DNAI4: variants seen among roughly 807,000 people sequenced by gnomAD.
DNAI4 encodes WD repeat domain 78.
In DNAI4, 85 loss-of-function variants were observed where a neutral mutation model predicts 105.8. That is an observed-to-expected ratio of 0.80 (90% CI 0.67 to 0.96). The LOEUF (loss-of-function observed/expected upper bound fraction) is 0.96. DNAI4 is among the 40% of genes least tolerant of loss of function. DNAI4 has a pLI of 0.00. For missense variants in DNAI4, 1,014 were observed against 1,005.6 expected, an observed-to-expected ratio of 1.01 and a Z score of -0.11; for synonymous variants, 352 against 331.5, an observed-to-expected ratio of 1.06 and a Z score of -0.67.
chr1:66,863,319 A>G (rs1233098839), intron 6 of DNAI4, among the ~76,000 whole-genome samples: 1 of 152,256 alleles, frequency 6.6e-6, no homozygotes, highest in African/African-American at 2.4e-5. Context: ...CTTAAAAATC[A>G]AAACAGAATG....
chr1:66,904,809 T>C (rs1236145565), intron 2 of DNAI4: 3 of 180,718 alleles, frequency 1.7e-5, no homozygotes, highest in Non-Finnish European at 3.4e-5. Context: ...TGATTAAAAG[T>C]TTAAAAGAGT....
intron 1 of DNAI4, among the ~76,000 whole-genome samples, chr1:66,914,291 A>G (rs1407258073): frequency 6.6e-6 from 1 of 152,150 alleles, no homozygotes; most frequent in Non-Finnish European, 1.5e-5. Flanking sequence ...TGCAAACTAT[A>G]GAGTTCCTAA....
Position 66,856,823 on chromosome 1 carries a change from C to A in DNAI4, c.1096+5324G>T, listed in dbSNP as rs547949944. On this transcript the variant is annotated intron_variant, in intron 7 of 16. Transcript: ENST00000371026. ...ATACAACTTATCAAAATTTGTGTGG[C>A]ACAGCAAAAACAGTTCTTAGAGAAA... Among the ~76,000 whole-genome samples the A allele has an allele frequency of 3.9e-5, 6 of 151,942 alleles. No individual in the cohort carries two copies. In the South Asian group the frequency reaches 1.0e-3, roughly 26 times the overall value.
At chr1:66,824,895 C>T (rs1327881224) in intron 15 of DNAI4, among the ~76,000 whole-genome samples, 2 of 152,172 alleles carry the variant, frequency 1.3e-5, no homozygotes, top group African/African-American at 2.4e-5. Flanking sequence ...AGAATGATAT[C>T]CACCAAAGTG....
intron 10 of DNAI4, 112 bp downstream of exon 10, chr1:66,837,598 C>T (rs1361732492): frequency 1.6e-6 from 2 of 1,246,480 alleles, no homozygotes; most frequent in African/African-American, 3.1e-5. Flanking sequence ...AGAAAATAGT[C>T]TTGATTGATA....
At position 66,924,698 on chromosome 1, in the gene DNAI4, G is replaced by T. The variant is rs1200831254; in HGVS notation, c.134C>A (p.Ser45Tyr). ...TPQLVATMPV[S>Y]PAGSHKQQNF... ...CTGCTGCTTGTGACTGCCTGCCGGA[G>T]AGACTGGCATGGTGGCGACCAGCTG... is the stretch of plus-strand genomic sequence containing the variant. Residue 45 changes from serine to tyrosine, a missense_variant, in exon 1 of 17, where the codon TCT becomes TAT. By Grantham distance (144) the Ser-to-Tyr change is moderately radical (BLOSUM62 -2). Transcript: ENST00000371026. 6.2e-7 allele frequency: 1 copy of T among 1,614,242 alleles called. No homozygotes were observed. The highest frequency in any genetic ancestry group is 8.5e-7 in the Non-Finnish European group (1 of 1,180,050).
At chr1:66,921,592 G>T (rs1650484151) in intron 1 of DNAI4, among the ~76,000 whole-genome samples, 1 of 152,038 alleles carries the variant, frequency 6.6e-6, no homozygotes, top group South Asian at 2.1e-4. Flanking sequence ...ACTCCCAAAG[G>T]AATTTTTCTT....
At chr1:66,902,242 T>A (rs1648885103) in intron 2 of DNAI4, among the ~76,000 whole-genome samples, 1 of 152,172 alleles carries the variant, frequency 6.6e-6, no homozygotes, top group African/African-American at 2.4e-5. Context: ...TTGTTTTTTT[T>A]AATAGTAGCT....
At chr1:66,846,786 C>G (rs1480022938) in intron 8 of DNAI4, among the ~76,000 whole-genome samples, 1 of 152,186 alleles carries the variant, frequency 6.6e-6, no homozygotes, top group Admixed American at 6.5e-5. Flanking sequence ...AGCTTTTCCA[C>G]TTACTATTAA....
intron 7 of DNAI4, among the ~76,000 whole-genome samples, chr1:66,857,043 T>A (rs1174720380): frequency 1.3e-5 from 2 of 151,978 alleles, no homozygotes; most frequent in Non-Finnish European, 1.5e-5. Context: ...AGTTAGTTCT[T>A]TGAAAATATC....
rs202056755 is a variant in DNAI4, at chr1:66,822,491, G to C, written c.2366C>G (p.Ala789Gly). Residue 789 changes from alanine (A) to glycine (G), a missense_variant, in exon 16 of 17, where the codon GCT (alanine) becomes GGT (glycine). Physicochemically the swap from Ala to Gly is moderately conservative, Grantham distance 60. Coordinates refer to ENST00000371026, the MANE Select transcript of DNAI4 (RefSeq NM_024763.5). ...STLDPLIVNT[A>G]NPGIKFTTIL... ...GGTTGTGAACTTGATTCCAGGGTTAGCAGTATTCACAATCAGAGGGTCCAA... is the reference window on the plus strand; with the variant it reads ...GGTTGTGAACTTGATTCCAGGGTTACCAGTATTCACAATCAGAGGGTCCAA... 1.2e-6 allele frequency: 2 copies of C among 1,610,652 alleles called. No individual in the cohort carries two copies. The highest frequency in any genetic ancestry group is 1.7e-6 in the Non-Finnish European group (2 of 1,178,750).
intron 10 of DNAI4, among the ~76,000 whole-genome samples, chr1:66,836,254 GAGAAAGAAAGAAAGAAAGAAAGAA>G (rs68091805): frequency 0.016 from 1,547 of 99,014 alleles, 29 homozygotes; most frequent in East Asian, 0.054. Context: ...AAGAGAGAGA[GAGAAAGAAAGAAAGAAAGAAAGAA>G]AGAAAGAAAG....
At chr1:66,839,528 AAATAT>A (rs1018902851) in intron 9 of DNAI4, among the ~76,000 whole-genome samples, 13 of 152,154 alleles carry the variant, frequency 8.5e-5, no homozygotes, top group Non-Finnish European at 1.9e-4. Context: ...TAAACATACA[AAATAT>A]AATATAATTT....
chr1:66,892,717 C>T (rs1174137515), intron 3 of DNAI4, among the ~76,000 whole-genome samples: 2 of 151,830 alleles, frequency 1.3e-5, no homozygotes, highest in Non-Finnish European at 2.9e-5. Flanking sequence ...ATCAGTCTGG[C>T]TAACATGGTG....
At chr1:66,859,544 G>T (rs554951074) in intron 7 of DNAI4, among the ~76,000 whole-genome samples, 15 of 152,246 alleles carry the variant, frequency 9.9e-5, no homozygotes, top group African/African-American at 3.6e-4. Flanking sequence ...ATTTGAAGCA[G>T]CCAAGATGTC....
At chr1:66,861,221 G>A (rs1392915269) in intron 7 of DNAI4, among the ~76,000 whole-genome samples, 1 of 152,076 alleles carries the variant, frequency 6.6e-6, no homozygotes, top group Non-Finnish European at 1.5e-5. Context: ...TACTGAACTT[G>A]AAAATATTCC....
At chr1:66,905,985 G>A (rs555920491) in intron 1 of DNAI4, among the ~76,000 whole-genome samples, 8 of 143,578 alleles carry the variant, frequency 5.6e-5, no homozygotes, top group East Asian at 2.1e-4. Flanking sequence ...GTGCAGTGGC[G>A]TGATCTCGGC....
At chr1:66,900,913 A>T (rs779924178) in intron 2 of DNAI4, among the ~76,000 whole-genome samples, 17 of 152,192 alleles carry the variant, frequency 1.1e-4, no homozygotes, top group Middle Eastern at 3.2e-3. Context: ...TTACATGCCT[A>T]GAACCTCCAT....
intron 2 of DNAI4, among the ~76,000 whole-genome samples, chr1:66,894,281 T>C (rs909526278): frequency 1.3e-5 from 2 of 152,158 alleles, no homozygotes; most frequent in Admixed American, 6.5e-5. Flanking sequence ...AACAGAGATA[T>C]TGATACAGTT....
Sources: allele counts gnomAD v4.1 joint callset (sites outside exome capture counted in the v4.1 genomes callset), GRCh38; gene constraint gnomAD v4.1.1; transcripts MANE v1.5; gene names NCBI Gene and HGNC (gene_info 2026-07-23, HGNC 2026-07-21).